Variants in CMTM5 observed in about 807,000 individuals in gnomAD.
CMTM5 encodes the protein CKLF like MARVEL transmembrane domain containing 5.
CMTM5 carries 25 observed loss-of-function variants against 26.9 expected under a neutral mutation model. That is an observed-to-expected ratio of 0.93 (90% CI 0.68 to 1.30). CMTM5 has a LOEUF of 1.30. Ranked by LOEUF, CMTM5 falls within the 50% of genes most tolerant of loss-of-function variation. The pLI, the probability that CMTM5 is intolerant of heterozygous loss-of-function variation, is 0.00. For missense variants in CMTM5, 292 were observed against 289.6 expected (o/e 1.01, Z -0.06); for synonymous variants, 98 against 115.5 (o/e 0.85, Z 0.97).
chr14:23,379,397 C>G lies in CMTM5; in HGVS notation c.658+14C>G. 1 of 1,614,136 alleles carries G rather than the reference C, an allele frequency of 6.2e-7. No homozygotes were observed. Among genetic ancestry groups the G allele is most frequent in the Non-Finnish European group, 8.5e-7 (1 of 1,180,018 alleles). ...GGGCCAGCCAGGGTGAGTGCCTGTG[C>G]TCTGTGGAGAGGAGATGCCCTCCCC... On this transcript the variant is annotated intron_variant, in intron 5 of 5. Transcript: ENST00000339180.
Position 23,378,515 on chromosome 14 carries a change from A to G in CMTM5, c.279+14A>G, listed in dbSNP as rs2138569337. 1 of 1,613,644 alleles carries G rather than the reference A, an allele frequency of 6.2e-7. No individual in the cohort carries two copies. Among genetic ancestry groups the G allele is most frequent in the Non-Finnish European group, 8.5e-7 (1 of 1,179,904 alleles). The stretch of plus-strand genomic sequence containing the variant: ...TGGCCCTGTCTGGTGAGGAACCCTG[A>G]CCCCTAGCCCAGTTTGGGGCCCTTC... On this transcript the variant is annotated intron_variant, in intron 2 of 5. Coordinates refer to ENST00000339180, the MANE Select transcript of CMTM5 (RefSeq NM_001288746.2). The surrounding 1 kb of genome is among the most constrained non-coding windows in gnomAD (Gnocchi z 4.2).
At position 23,378,947 on chromosome 14, in the gene CMTM5, C is replaced by A. The variant is rs1483891273; in HGVS notation, c.480+78C>A. ...GGAGGGGTTCAGAATCCCTCAGGGTCGGGCTGCTGGCTAGCCTGGAAAACT... is the reference window on the plus strand; with the variant it reads ...GGAGGGGTTCAGAATCCCTCAGGGTAGGGCTGCTGGCTAGCCTGGAAAACT... On this transcript the variant is annotated intron_variant, in intron 3 of 5. Coordinates refer to ENST00000339180, the MANE Select transcript of CMTM5 (RefSeq NM_001288746.2). This position sits in a 1 kb window ranked among gnomAD's most constrained non-coding sequence, Gnocchi z 4.2. The A allele has an allele frequency of 6.2e-7, 1 of 1,602,912 alleles. No individual in the cohort carries two copies.
Position 23,379,382 on chromosome 14 carries a change from G to A in CMTM5, c.657G>A (p.Gln219=). Residue 219 remains glutamine, a splice_region_variant and synonymous_variant, in exon 5 of 6, where the codon CAG becomes CAA. Transcript: ENST00000339180. Reference sequence around the variant, plus strand: ...CTGAGATGGCACCCGGGGCCAGCCAGGGTGAGTGCCTGTGCTCTGTGGAGA... The same window carrying A: ...CTGAGATGGCACCCGGGGCCAGCCAAGGTGAGTGCCTGTGCTCTGTGGAGA... The part of the protein sequence containing the change: ...YRTEMAPGAS[Q]GDQQ 1.9e-6 allele frequency: 3 copies of A among 1,614,156 alleles called. No homozygotes were observed. Among genetic ancestry groups the A allele is most frequent in the South Asian group, 1.1e-5 (1 of 91,082 alleles).
Position 23,378,979 on chromosome 14 carries a change from TA to T in CMTM5, c.481-50del. 1 of 1,609,288 alleles carries T rather than the reference TA, an allele frequency of 6.2e-7. No homozygotes were observed. The highest frequency in any genetic ancestry group is 8.5e-7 in the Non-Finnish European group (1 of 1,176,466). On this transcript the variant is annotated intron_variant, in intron 3 of 5. Coordinates refer to ENST00000339180, the MANE Select transcript of CMTM5 (RefSeq NM_001288746.2). The surrounding 1 kb of genome is among the most constrained non-coding windows in gnomAD (Gnocchi z 4.2). Reference sequence around the variant, plus strand: ...CTGGCTAGCCTGGAAAACTTCAGGGTAACGCCCCCTGCCTTCTGAGGTCCTG... The same window carrying T: ...CTGGCTAGCCTGGAAAACTTCAGGGTACGCCCCCTGCCTTCTGAGGTCCTG...
At chr14:23,379,252 A>G (rs1467010102) in intron 4 of CMTM5, 47 bp from the exon 5 acceptor site, 5 of 1,611,252 alleles carry the variant, frequency 3.1e-6, no homozygotes, top group African/African-American at 1.3e-5. Context: ...CCTTAACCCA[A>G]TGGCCCTATA....
chr14:23,377,474 T>G lies in CMTM5; in HGVS notation c.126+97T>G. On this transcript the variant is annotated intron_variant, in intron 1 of 5. Transcript: ENST00000339180. This position sits in a 1 kb window ranked among gnomAD's most constrained non-coding sequence, Gnocchi z 4.6. ...CCCAGCTCACCCTTCAGTAGCCTCC[T>G]TCCCCAAGCCCTCTGGACACCTCTC... 1 of 1,399,640 alleles carries G rather than the reference T, an allele frequency of 7.1e-7. No individual in the cohort carries two copies. Among genetic ancestry groups the G allele is most frequent in the Non-Finnish European group, 9.5e-7 (1 of 1,056,432 alleles). 86.7% of individuals were successfully genotyped at this position (1,399,640 alleles called of 1,614,324 possible). A position where few individuals can be genotyped will look rare whatever the true frequency, so the allele number is the denominator to read the frequency against.
chr14:23,378,970 A>T lies in CMTM5; in HGVS notation c.481-61A>T. 2 of 1,608,356 alleles carry T rather than the reference A, an allele frequency of 1.2e-6. No individual in the cohort carries two copies. Among genetic ancestry groups the T allele is most frequent in the Non-Finnish European group, 1.7e-6 (2 of 1,175,878 alleles). ...GTCGGGCTGCTGGCTAGCCTGGAAAACTTCAGGGTAACGCCCCCTGCCTTC... is the reference window on the plus strand; with the variant it reads ...GTCGGGCTGCTGGCTAGCCTGGAAATCTTCAGGGTAACGCCCCCTGCCTTC... On this transcript the variant is annotated intron_variant, in intron 3 of 5. Coordinates refer to ENST00000339180, the MANE Select transcript of CMTM5 (RefSeq NM_001288746.2). The surrounding 1 kb of genome is among the most constrained non-coding windows in gnomAD (Gnocchi z 4.2).
Position 23,378,438 on chromosome 14 carries a change from C to T in CMTM5, c.216C>T (p.Ala72=), listed in dbSNP as rs1435512538. The T allele has an allele frequency of 2.5e-6, 4 of 1,614,054 alleles. No individual in the cohort carries two copies. Among genetic ancestry groups the T allele is most frequent in the Non-Finnish European group, 3.4e-6 (4 of 1,180,030 alleles). ...AALLEFFITL[A]FLFLYATQYY... ...TACTGGAGTTCTTCATCACACTTGC[C>T]TTCCTCTTCCTCTATGCCACCCAGT... is the stretch of plus-strand genomic sequence containing the variant. Residue 72 remains alanine (A), a synonymous_variant, in exon 2 of 6, where the codon GCC becomes GCT. Transcript: ENST00000339180. The surrounding 1 kb of genome is among the most constrained non-coding windows in gnomAD (Gnocchi z 4.2).
At chr14:23,377,001 C>G (rs994712289), upstream of CMTM5, 1 of 510,020 alleles carries the variant, frequency 2.0e-6, no homozygotes, top group African/African-American at 2.0e-5. The surrounding 1 kb of genome is among the most constrained non-coding windows in gnomAD (Gnocchi z 4.6). Context: ...CTCTCTGCCC[C>G]TCCCCATGGG....
Position 23,377,684 on chromosome 14 carries a change from C to A in CMTM5, c.126+307C>A. The A allele has an allele frequency of 3.2e-6, 1 of 311,060 alleles. No homozygotes were observed. Among genetic ancestry groups the A allele is most frequent in the Non-Finnish European group, 5.9e-6 (1 of 169,356 alleles). The allele number at this position is 311,060 out of a possible 1,614,324, so 19.3% of individuals were successfully genotyped here. On this transcript the variant is annotated intron_variant, in intron 1 of 5. Coordinates refer to ENST00000339180, the MANE Select transcript of CMTM5 (RefSeq NM_001288746.2). This position sits in a 1 kb window ranked among gnomAD's most constrained non-coding sequence, Gnocchi z 4.6. Reference sequence around the variant, plus strand: ...GGGGCAATGACAGCCTCTAACATGGCCACTTCTCAGCACGTCCAAGAAGTC... The same window carrying A: ...GGGGCAATGACAGCCTCTAACATGGACACTTCTCAGCACGTCCAAGAAGTC...
rs1747337347 is a variant in CMTM5, at chr14:23,379,575, C to T, written c.*88C>T. 4 of 1,583,624 alleles carry T rather than the reference C, an allele frequency of 2.5e-6. No individual in the cohort carries two copies. The Admixed American group carries it at 7.0e-5, about 28-fold the overall frequency. On this transcript the variant is annotated 3_prime_UTR_variant, in exon 6 of 6. Coordinates refer to ENST00000339180, the MANE Select transcript of CMTM5 (RefSeq NM_001288746.2). Reference sequence around the variant, plus strand: ...CTCCTTGGGATTCACTAGCCCCCAGCCCGCCAAACCCCACCCCAGCCCTAC... The same window carrying T: ...CTCCTTGGGATTCACTAGCCCCCAGTCCGCCAAACCCCACCCCAGCCCTAC...
In CMTM5 at chr14:23,378,491, G is replaced by T; in HGVS notation, c.269G>T (p.Trp90Leu). Reference sequence around the variant, plus strand: ...TACCAGCGCTTCGACCGAATTAACTGGCCCTGTCTGGTGAGGAACCCTGAC... The same window carrying T: ...TACCAGCGCTTCGACCGAATTAACTTGCCCTGTCTGGTGAGGAACCCTGAC... ...QYYQRFDRIN[W>L]PCLLQGHGQS... Residue 90 changes from tryptophan to leucine, a missense_variant, in exon 2 of 6, where the codon TGG becomes TTG. Physicochemically the swap from Trp to Leu is moderately conservative, Grantham distance 61. Coordinates refer to ENST00000339180, the MANE Select transcript of CMTM5 (RefSeq NM_001288746.2). The surrounding 1 kb of genome is among the most constrained non-coding windows in gnomAD (Gnocchi z 4.2). The T allele has an allele frequency of 6.2e-7, 1 of 1,614,070 alleles. No homozygotes were observed. Among genetic ancestry groups the T allele is most frequent in the East Asian group, 2.2e-5 (1 of 44,876 alleles).
chr14:23,377,249 A>G lies in CMTM5; in HGVS notation c.-3A>G. ...GGGGGCTGTGTTGGTGGGCCCTACG[A>G]AGATGCTCAGTGCTCGAGATCGCCG... On this transcript the variant is annotated 5_prime_UTR_variant, in exon 1 of 6. Coordinates refer to ENST00000339180, the MANE Select transcript of CMTM5 (RefSeq NM_001288746.2). This position sits in a 1 kb window ranked among gnomAD's most constrained non-coding sequence, Gnocchi z 4.6. The G allele has an allele frequency of 3.1e-6, 5 of 1,611,926 alleles. No homozygotes were observed. The highest frequency in any genetic ancestry group is 4.2e-6 in the Non-Finnish European group (5 of 1,179,330).
intron 5 of CMTM5, 35 bp from the exon 6 acceptor site, chr14:23,379,439 C>T: frequency 6.2e-7 from 1 of 1,614,154 alleles, no homozygotes; most frequent in Non-Finnish European, 8.5e-7. Context: ...GCTACCCATC[C>T]TGATGTGGGT....
chr14:23,378,410 C>T lies in CMTM5; in HGVS notation c.188C>T (p.Ala63Val), dbSNP rs777393489. The change falls in exon 2 of 6, where the codon GCG becomes GTG. Residue 63 changes from alanine to valine, a missense_variant. Ala to Val is a moderately conservative substitution (Grantham distance 64). Coordinates refer to ENST00000339180, the MANE Select transcript of CMTM5 (RefSeq NM_001288746.2). The surrounding 1 kb of genome is among the most constrained non-coding windows in gnomAD (Gnocchi z 4.2). ...TASISAYMAA[A>V]LLEFFITLAF... Reference sequence around the variant, plus strand: ...TCCATCTCTGCCTACATGGCCGCGGCGCTACTGGAGTTCTTCATCACACTT... The same window carrying T: ...TCCATCTCTGCCTACATGGCCGCGGTGCTACTGGAGTTCTTCATCACACTT... 2.4e-5 allele frequency: 39 copies of T among 1,613,968 alleles called. No individual in the cohort carries two copies. Among genetic ancestry groups the T allele is most frequent in the Middle Eastern group, 1.6e-4 (1 of 6,084 alleles).
Position 23,378,059 on chromosome 14 carries a change from G to A in CMTM5, c.127-290G>A, listed in dbSNP as rs1186863088. The A allele has an allele frequency of 2.2e-6, 1 of 462,082 alleles. No individual in the cohort carries two copies. Among genetic ancestry groups the A allele is most frequent in the Non-Finnish European group, 3.9e-6 (1 of 256,480 alleles). The allele number at this position is 462,082 out of a possible 1,614,324, so 28.6% of individuals were successfully genotyped here. On this transcript the variant is annotated intron_variant, in intron 1 of 5. Coordinates refer to ENST00000339180, the MANE Select transcript of CMTM5 (RefSeq NM_001288746.2). The surrounding 1 kb of genome is among the most constrained non-coding windows in gnomAD (Gnocchi z 4.2). ...AACTCCAGGGGCTGGCATTCACACT[G>A]TACCTATGAATTACTGTGGGATAGT...
rs1415822644 is a variant in CMTM5 at position 23,377,412 on chromosome 14, C to T, written c.126+35C>T. ...GCCTCCCAACCTGGTGCCTCCATCT[C>T]CCTGACCCCCGGCTCCTGGCCAGCC... On this transcript the variant is annotated intron_variant, in intron 1 of 5. Transcript: ENST00000339180. The surrounding 1 kb of genome is among the most constrained non-coding windows in gnomAD (Gnocchi z 4.6). 1 of 1,527,978 alleles carries T rather than the reference C, an allele frequency of 6.5e-7. No homozygotes were observed. The highest frequency in any genetic ancestry group is 1.4e-5 in the African/African-American group (1 of 72,212). 94.7% of individuals were successfully genotyped at this position (1,527,978 alleles called of 1,614,324 possible).
rs771066028 is a variant in CMTM5 at position 23,378,669 on chromosome 14, C to T, written c.280C>T (p.Leu94=). 2.5e-6 allele frequency: 4 copies of T among 1,613,276 alleles called. No individual in the cohort carries two copies. Among genetic ancestry groups the T allele is most frequent in the Non-Finnish European group, 3.4e-6 (4 of 1,179,832 alleles). Residue 94 remains leucine, a splice_region_variant and synonymous_variant, in exon 3 of 6, where the codon CTG becomes TTG. Coordinates refer to ENST00000339180, the MANE Select transcript of CMTM5 (RefSeq NM_001288746.2). This position sits in a 1 kb window ranked among gnomAD's most constrained non-coding sequence, Gnocchi z 4.2. The stretch of plus-strand genomic sequence containing the variant: ...GCTTTGACTCACACTGATTTCACAG[C>T]TGCAGGGCCACGGGCAATCAGGAGG... ...RFDRINWPCL[L]QGHGQSGGPH...
rs777893588 is a variant in CMTM5 at position 23,379,019 on chromosome 14, C to T, written c.481-12C>T. ...TCTGAGGTCCTGTTAACCCTGCACCCCTGGCCCCCAGGACTTCCTGCGCTG... is the reference window on the plus strand; with the variant it reads ...TCTGAGGTCCTGTTAACCCTGCACCTCTGGCCCCCAGGACTTCCTGCGCTG... On this transcript the variant is annotated splice_polypyrimidine_tract_variant and intron_variant, in intron 3 of 5. Coordinates refer to ENST00000339180, the MANE Select transcript of CMTM5 (RefSeq NM_001288746.2). The T allele has an allele frequency of 2.5e-6, 4 of 1,613,934 alleles. No homozygotes were observed. The highest frequency in any genetic ancestry group is 2.2e-5 in the East Asian group (1 of 44,896).
Sources: gnomAD v4.1 joint callset for allele counts on GRCh38, gnomAD v4.1.1 for gene constraint, Gnocchi (gnomAD v3.1) non-coding constraint, MANE v1.5 for transcripts, NCBI Gene and HGNC (gene_info 2026-07-23, HGNC 2026-07-21) for gene names.